Variants in SOX30 observed in about 807,000 individuals in gnomAD.
The protein encoded by SOX30 is transcription factor SOX-30.
In SOX30, 17 loss-of-function variants were observed where a neutral mutation model predicts 58.6. The ratio of observed to expected loss-of-function variants is 0.29; its 90% CI spans 0.20 to 0.44. SOX30 has a LOEUF of 0.44. SOX30 is among the 20% of genes least tolerant of loss of function. The probability of loss-of-function intolerance (pLI) is 1.00; values close to 1 mark genes in which losing one functional copy is unlikely to be tolerated. For synonymous variants in SOX30, 421 were observed against 400.2 expected (o/e 1.05, Z -0.62); for missense variants, 951 against 965.8 (o/e 0.98, Z 0.20).
At chr5:157,654,067 G>A (rs1359604071), upstream of SOX30, among the ~76,000 whole-genome samples, 1 of 151,914 alleles carries the variant, frequency 6.6e-6, no homozygotes. Flanking sequence ...TCGGGAGGCT[G>A]AGGCAGGAGA....
upstream of SOX30, chr5:157,652,531 C>CTCTGTGCGGCCTGAGTAA (rs1759387514): frequency 4.2e-6 from 1 of 240,680 alleles, no homozygotes; most frequent in South Asian, 1.5e-4. Context: ...TGTGCACGCG[C>CTCTGTGCGGCCTGAGTAA]TCTGTGCGGC....
In SOX30 at chr5:157,626,153, T is replaced by C. The variant is rs1758646541; in HGVS notation, c.*187A>G. ...CTTAATAACTTAAATATTCCTACAA[T>C]GAAACATCCAGACTCTAGTTTCACT... On this transcript the variant is annotated 3_prime_UTR_variant, in exon 5 of 5. Transcript: ENST00000265007. The C allele has an allele frequency of 7.8e-6, 4 of 515,532 alleles. No homozygotes were observed. The highest frequency in any genetic ancestry group is 1.3e-5 in the Non-Finnish European group (4 of 299,482). The allele number at this position is 515,532 out of a possible 1,614,324, so 31.9% of individuals were successfully genotyped here. A position where few individuals can be genotyped will look rare whatever the true frequency, so the allele number is the denominator to read the frequency against.
At chr5:157,627,362 C>CA (rs1758682790) in intron 4 of SOX30, among the ~76,000 whole-genome samples, 1 of 151,024 alleles carries the variant, frequency 6.6e-6, no homozygotes, top group South Asian at 2.1e-4. Flanking sequence ...ACTCCGCCTC[C>CA]AAAAAAACAA....
intron 2 of SOX30, among the ~76,000 whole-genome samples, chr5:157,663,841 C>T (rs1759619198): frequency 6.6e-6 from 1 of 152,086 alleles, no homozygotes; most frequent in Non-Finnish European, 1.5e-5. Flanking sequence ...AGTGAACTCC[C>T]ATTCACAATT....
chr5:157,655,315 T>C (rs147726320), upstream of SOX30, among the ~76,000 whole-genome samples: 137 of 152,236 alleles, frequency 9.0e-4, no homozygotes, highest in African/African-American at 3.2e-3. Context: ...ATAGCACTGA[T>C]TGGACAATTT....
chr5:157,648,942 A>G, intron 1 of SOX30, 46 bp from the exon 2 acceptor site: 1 of 1,548,488 alleles, frequency 6.5e-7, no homozygotes. Context: ...CCATACACAC[A>G]CACACACACA....
rs574309255 is a variant in SOX30, at chr5:157,667,988, A to G, written c.-3-136T>C. On this transcript the variant is annotated intron_variant, in intron 1 of 5. Transcript: ENST00000519442. ...ATCTTACAGGCAAGAAAACCAAGGC[A>G]CAGAGAGGTGGAGGAACTTAATGTC... 1.7e-3 allele frequency: 1,662 copies of G among 958,630 alleles called. 5 individuals carry two copies. The highest frequency in any genetic ancestry group is 4.7e-3 in the South Asian group (286 of 61,040). The allele number at this position is 958,630 out of a possible 1,614,324, so 59.4% of individuals were successfully genotyped here.
At chr5:157,662,266 TAAC>T (rs1759591886) in intron 2 of SOX30, among the ~76,000 whole-genome samples, 1 of 152,150 alleles carries the variant, frequency 6.6e-6, no homozygotes, top group East Asian at 1.9e-4. Flanking sequence ...ACTAAAAAGT[TAAC>T]AATTTTGTAG....
At chr5:157,669,544 AT>A (rs1381955386) in intron 1 of SOX30, among the ~76,000 whole-genome samples, 1 of 144,348 alleles carries the variant, frequency 6.9e-6, no homozygotes, top group African/African-American at 2.6e-5. Context: ...GAGACAAAGT[AT>A]TTCTCTGTCG....
intron 1 of SOX30, among the ~76,000 whole-genome samples, chr5:157,670,964 A>G (rs1438061507): frequency 6.6e-6 from 1 of 152,284 alleles, no homozygotes; most frequent in East Asian, 1.9e-4. Context: ...CACCACTTAT[A>G]GGGGTGGGCC....
chr5:157,639,142 AAAT>A (rs1032711582), intron 3 of SOX30, among the ~76,000 whole-genome samples: 65 of 152,268 alleles, frequency 4.3e-4, no homozygotes, highest in African/African-American at 1.5e-3. Context: ...ATACATTTAA[AAAT>A]AATAATAATA....
rs1758662574 is a variant in SOX30 at position 157,626,621 on chromosome 5, C to T, written c.1981G>A (p.Gly661Ser). 1 of 1,613,748 alleles carries T rather than the reference C, an allele frequency of 6.2e-7. No individual in the cohort carries two copies. Among genetic ancestry groups the T allele is most frequent in the East Asian group, 2.2e-5 (1 of 44,872 alleles). The change falls in exon 5 of 5, where the codon GGT (glycine) becomes AGT (serine). Residue 661 changes from glycine (G) to serine (S), a missense_variant. Physicochemically the swap from Gly to Ser is moderately conservative, Grantham distance 56. Coordinates refer to ENST00000265007, the MANE Select transcript of SOX30 (RefSeq NM_178424.2). ...TCTCTATTTAAAGTTGAAAAGATAC[C>T]CTCATGTTTTGGGTACCTGTCTTCA... ...YYEDRYPKHE[G>S]IFSTLNRDYS...
At chr5:157,655,199 C>T (rs545505615), upstream of SOX30, among the ~76,000 whole-genome samples, 1 of 152,116 alleles carries the variant, frequency 6.6e-6, no homozygotes, top group East Asian at 1.9e-4. Flanking sequence ...ATGGAAACCC[C>T]GACCCAAAGG....
intron 2 of SOX30, among the ~76,000 whole-genome samples, chr5:157,666,667 G>A (rs1364967421): frequency 6.6e-6 from 1 of 152,106 alleles, no homozygotes; most frequent in East Asian, 1.9e-4. Flanking sequence ...CCTCCCAACA[G>A]CAGAATAGGT....
chr5:157,626,704 C>T lies in SOX30; in HGVS notation c.1898G>A (p.Arg633Gln), dbSNP rs200647220. 1.7e-5 allele frequency: 28 copies of T among 1,608,880 alleles called. No individual in the cohort carries two copies. The highest frequency in any genetic ancestry group is 2.2e-5 in the East Asian group (1 of 44,872). Residue 633 changes from arginine (R) to glutamine (Q), a missense_variant, in exon 5 of 5, where the codon CGG becomes CAG. Transcript: ENST00000265007. ...AAAATTTCCATAGCCAAAGGGAGGC[C>T]GACTGTAAGGGCATGTACTGCAGCA... ...YFPSSTCPYS[R>Q]PPFGYGNFPS...
At chr5:157,634,498 C>T (rs560118986) in intron 4 of SOX30, among the ~76,000 whole-genome samples, 7 of 151,992 alleles carry the variant, frequency 4.6e-5, no homozygotes, top group South Asian at 2.1e-4. Context: ...GGATTACAGG[C>T]GTGAGCCACC....
intron 2 of SOX30, among the ~76,000 whole-genome samples, chr5:157,666,745 G>A (rs925530962): frequency 1.7e-4 from 26 of 152,006 alleles, no homozygotes; most frequent in Admixed American, 1.6e-3. Flanking sequence ...TGGCTCTGGC[G>A]CCCAGGCTGG....
intron 2 of SOX30, 89 bp downstream of exon 2, chr5:157,648,568 T>C (rs1759251982): frequency 1.6e-6 from 2 of 1,219,528 alleles, no homozygotes; most frequent in Non-Finnish European, 1.1e-6. Context: ...AAAAATTATA[T>C]ATTTTTGTCT....
At chr5:157,669,560 G>A (rs1028154054) in intron 1 of SOX30, among the ~76,000 whole-genome samples, 3 of 148,980 alleles carry the variant, frequency 2.0e-5, no homozygotes, top group African/African-American at 7.5e-5. Context: ...CTGTCGCCCA[G>A]GCTGGAAGTG....
Sources: allele counts gnomAD v4.1 joint callset (sites outside exome capture counted in the v4.1 genomes callset), GRCh38; gene constraint gnomAD v4.1.1; transcripts MANE v1.5; gene names NCBI Gene and HGNC (gene_info 2026-07-23, HGNC 2026-07-21).